The following GRM8 variants were observed in gnomAD, a reference collection of about 807,000 sequenced individuals.
GRM8 encodes metabotropic glutamate receptor 8.
Under a neutral mutation model 87.2 loss-of-function variants are expected in GRM8, and 47 were observed. The observed-to-expected ratio is 0.54, with a 90% CI of 0.43 to 0.69. The LOEUF (loss-of-function observed/expected upper bound fraction) is 0.69. Among genes scored for constraint, GRM8 ranks in the 30% least tolerant of loss-of-function variants. The pLI, the probability that GRM8 is intolerant of heterozygous loss-of-function variation, is 0.00. For missense variants in GRM8, 1,019 were observed against 1,139.2 expected (o/e 0.89, Z 1.52); for synonymous variants, 396 against 404.5 (o/e 0.98, Z 0.25).
intron 6 of GRM8, among the ~76,000 whole-genome samples, chr7:126,781,688 C>G (rs1039185177): frequency 1.3e-5 from 2 of 152,072 alleles, no homozygotes; most frequent in East Asian, 3.9e-4. Context: ...TAATCTCATC[C>G]TATCTGCTTT....
chr7:126,609,389 G>C lies in GRM8; in HGVS notation c.1467C>G (p.Gly489=), dbSNP rs2151099705. Residue 489 remains glycine, a synonymous_variant, in exon 8 of 11, where the codon GGC becomes GGG. Coordinates refer to ENST00000339582, the MANE Select transcript of GRM8 (RefSeq NM_000845.3). The part of the protein sequence containing the change: ...TNKSTEYKVI[G]HWTNQLHLKV... ...TTAGATGAAGCTGATTGGTCCAGTG[G>C]CCGATGACTTTGTACTCTGTGCTTT... The C allele has an allele frequency of 6.2e-7, 1 of 1,613,556 alleles. No homozygotes were observed. Among genetic ancestry groups the C allele is most frequent in the Middle Eastern group, 1.6e-4 (1 of 6,062 alleles).
intron 9 of GRM8, among the ~76,000 whole-genome samples, chr7:126,462,305 T>A (rs1395085584): frequency 6.6e-6 from 1 of 151,626 alleles, no homozygotes; most frequent in African/African-American, 2.4e-5. Context: ...CTGTTTTATA[T>A]ATTATGGTGT....
In GRM8 at chr7:126,446,317, G is replaced by C. The variant is rs1465657185; in HGVS notation, c.2486C>G (p.Ser829Cys). 6.2e-7 allele frequency: 1 copy of C among 1,610,138 alleles called. No homozygotes were observed. Among genetic ancestry groups the C allele is most frequent in the Admixed American group, 1.7e-5 (1 of 59,788 alleles). Residue 829 changes from serine (S) to cysteine (C), a missense_variant, in exon 10 of 11, where the codon TCT becomes TGT. Ser to Cys is a moderately radical substitution (Grantham distance 112, BLOSUM62 -1). Transcript: ENST00000339582. ...CTTGGGCATATAGAGCATGCCCAGAGATACTGAAGCACTTAAACTCATGGA... is the reference window on the plus strand; with the variant it reads ...CTTGGGCATATAGAGCATGCCCAGACATACTGAAGCACTTAAACTCATGGA... Reference protein sequence around the residue: ...TVSMSLSASVSLGMLYMPKVY... With the variant: ...TVSMSLSASVCLGMLYMPKVY...
chr7:127,176,636 C>T (rs1034692174), intron 2 of GRM8, among the ~76,000 whole-genome samples: 1 of 152,180 alleles, frequency 6.6e-6, no homozygotes, highest in African/African-American at 2.4e-5. Context: ...ACCTGGGAGA[C>T]ACCCCAAATA....
chr7:126,911,543 C>G (rs144505941), intron 3 of GRM8, among the ~76,000 whole-genome samples: 1 of 152,222 alleles, frequency 6.6e-6, no homozygotes, highest in African/African-American at 2.4e-5. Context: ...ATTTGTGCTA[C>G]CTTTTTAAGA....
intron 3 of GRM8, among the ~76,000 whole-genome samples, chr7:127,037,617 T>C (rs1356264215): frequency 6.6e-6 from 1 of 152,130 alleles, no homozygotes; most frequent in Non-Finnish European, 1.5e-5. Context: ...AACCCCAAAG[T>C]TTTGCTGTCT....
At chr7:126,454,975 T>G (rs2150498435) in intron 9 of GRM8, among the ~76,000 whole-genome samples, 1 of 151,838 alleles carries the variant, frequency 6.6e-6, no homozygotes, top group Non-Finnish European at 1.5e-5. Context: ...GAAAAAGTTC[T>G]GAAAGTTCTG....
At chr7:126,817,733 G>A (rs2151755018) in intron 6 of GRM8, among the ~76,000 whole-genome samples, 1 of 152,220 alleles carries the variant, frequency 6.6e-6, no homozygotes, top group East Asian at 1.9e-4. Flanking sequence ...GGCTGAAAGG[G>A]AGGTCGTTTG....
chr7:127,189,319 C>T (rs925068944), intron 2 of GRM8, among the ~76,000 whole-genome samples: 1 of 152,146 alleles, frequency 6.6e-6, no homozygotes, highest in African/African-American at 2.4e-5. Context: ...ATCTCCAGTG[C>T]AGAGAAGTGG....
At chr7:126,684,728 C>T (rs984495894) in intron 7 of GRM8, among the ~76,000 whole-genome samples, 2 of 152,202 alleles carry the variant, frequency 1.3e-5, no homozygotes, top group African/African-American at 4.8e-5. Context: ...TAAGGAAAGC[C>T]TGGGTAAAGT....
chr7:126,664,215 A>G (rs532103317), intron 7 of GRM8, among the ~76,000 whole-genome samples: 1 of 152,304 alleles, frequency 6.6e-6, no homozygotes, highest in South Asian at 2.1e-4. Context: ...ATACTGCCCA[A>G]AGCAATCTAC....
chr7:127,069,411 A>C (rs1586909644), intron 3 of GRM8, among the ~76,000 whole-genome samples: 2 of 152,098 alleles, frequency 1.3e-5, no homozygotes, highest in African/African-American at 4.8e-5. Flanking sequence ...TAATCCACCT[A>C]CCTTGGCCTC....
At chr7:126,830,654 T>C (rs1463525314) in intron 6 of GRM8, among the ~76,000 whole-genome samples, 2 of 152,252 alleles carry the variant, frequency 1.3e-5, no homozygotes, top group Non-Finnish European at 1.5e-5. Context: ...TTGAATTTCC[T>C]CCTGTAGCTC....
intron 2 of GRM8, among the ~76,000 whole-genome samples, chr7:127,150,766 T>C (rs1828816369): frequency 6.6e-6 from 1 of 151,846 alleles, no homozygotes; most frequent in Non-Finnish European, 1.5e-5. Context: ...GAGAGTAGAG[T>C]CTGTATGGGT....
chr7:127,224,148 A>G (rs1280580996), intron 2 of GRM8, among the ~76,000 whole-genome samples: 4 of 152,182 alleles, frequency 2.6e-5, no homozygotes, highest in Middle Eastern at 3.2e-3. Context: ...AGGGCTAGAA[A>G]AGCATTTGAA....
intron 2 of GRM8, among the ~76,000 whole-genome samples, chr7:127,136,558 A>G (rs1827954136): frequency 6.6e-6 from 1 of 152,070 alleles, no homozygotes; most frequent in Admixed American, 6.6e-5. Context: ...CTCTCTTTCC[A>G]CTGAAGGGAT....
At chr7:127,032,929 A>G (rs1817515167) in intron 3 of GRM8, among the ~76,000 whole-genome samples, 1 of 151,906 alleles carries the variant, frequency 6.6e-6, no homozygotes, top group African/African-American at 2.4e-5. Flanking sequence ...AAAGGCTTCT[A>G]TCTAAAACTT....
At chr7:126,842,341 C>A (rs922111375) in intron 6 of GRM8, among the ~76,000 whole-genome samples, 1 of 152,130 alleles carries the variant, frequency 6.6e-6, no homozygotes, top group South Asian at 2.1e-4. Context: ...CAAGTGATTT[C>A]TAAGTTACAA....
chr7:126,539,631 C>T (rs1301246862), intron 8 of GRM8, among the ~76,000 whole-genome samples: 1 of 151,784 alleles, frequency 6.6e-6, no homozygotes, highest in African/African-American at 2.4e-5. Context: ...AGAAATAAAC[C>T]TCATACACAT....
Sources: gnomAD v4.1 joint callset for allele counts (sites outside exome capture counted in the v4.1 genomes callset) on GRCh38, gnomAD v4.1.1 for gene constraint, MANE v1.5 for transcripts, NCBI Gene and HGNC (gene_info 2026-07-23, HGNC 2026-07-21) for gene names.